CDKAL1: variants seen among roughly 807,000 people sequenced by gnomAD.
CDKAL1 encodes the protein threonylcarbamoyladenosine tRNA methylthiotransferase.
In CDKAL1, 32 loss-of-function variants were observed where a neutral mutation model predicts 68.2. The ratio of observed to expected loss-of-function variants is 0.47; its 90% CI spans 0.35 to 0.63. The LOEUF is 0.63. CDKAL1 is among the 30% of genes least tolerant of loss of function. CDKAL1 has a pLI of 0.00. For missense variants in CDKAL1, 606 were observed against 696.7 expected (o/e 0.87, Z 1.47); for synonymous variants, 234 against 244.3 (o/e 0.96, Z 0.39).
intron 13 of CDKAL1, among the ~76,000 whole-genome samples, chr6:21,139,384 C>A (rs1214336717): frequency 6.6e-6 from 1 of 152,228 alleles, no homozygotes; most frequent in Non-Finnish European, 1.5e-5. Context: ...ATGTTACTTA[C>A]AGCAGAACTA....
chr6:21,194,738 GTA>G (rs1032580919), intron 13 of CDKAL1, among the ~76,000 whole-genome samples: 8 of 152,326 alleles, frequency 5.3e-5, no homozygotes, highest in African/African-American at 1.7e-4. Flanking sequence ...TTTGAGGCTT[GTA>G]TATGTTTCCT....
intron 4 of CDKAL1, among the ~76,000 whole-genome samples, chr6:20,583,387 T>G (rs1050496445): frequency 6.6e-6 from 1 of 152,236 alleles, no homozygotes; most frequent in Non-Finnish European, 1.5e-5. Context: ...TTCTGATTAC[T>G]GCTAAGATTC....
At chr6:21,159,991 A>G (rs1776834571) in intron 13 of CDKAL1, among the ~76,000 whole-genome samples, 1 of 152,192 alleles carries the variant, frequency 6.6e-6, no homozygotes, top group Non-Finnish European at 1.5e-5. Flanking sequence ...GTATTTCCAG[A>G]ACAAGCAATG....
intron 4 of CDKAL1, among the ~76,000 whole-genome samples, chr6:20,557,970 C>T (rs1338769848): frequency 6.6e-6 from 1 of 152,096 alleles, no homozygotes; most frequent in Non-Finnish European, 1.5e-5. Flanking sequence ...AAACAAACAT[C>T]CTTAACTTGC....
At chr6:21,068,885 A>G (rs1160324967) in intron 12 of CDKAL1, among the ~76,000 whole-genome samples, 6 of 152,100 alleles carry the variant, frequency 3.9e-5, no homozygotes, top group Non-Finnish European at 5.9e-5. Context: ...ATTTCTATCG[A>G]TAATGTTTTA....
chr6:20,545,680 C>T (rs9358342), intron 2 of CDKAL1, among the ~76,000 whole-genome samples: 35,155 of 152,036 alleles, frequency 0.23, 5,030 homozygotes, highest in East Asian at 0.53. Context: ...AAGTTATGCG[C>T]CCACCTCCCC....
intron 12 of CDKAL1, among the ~76,000 whole-genome samples, chr6:21,092,894 G>C (rs1372636319): frequency 6.6e-6 from 1 of 150,874 alleles, no homozygotes; most frequent in East Asian, 1.9e-4. Context: ...AATAGAATTG[G>C]AAGGTTAAAG....
intron 6 of CDKAL1, 95 bp downstream of exon 6, chr6:20,739,710 G>T (rs1477832201): frequency 6.1e-6 from 4 of 655,652 alleles, no homozygotes; most frequent in African/African-American, 3.6e-5. Context: ...TTATTTGTAA[G>T]CTATGTTACA....
At chr6:21,021,283 T>C (rs1768648805) in intron 11 of CDKAL1, among the ~76,000 whole-genome samples, 1 of 152,204 alleles carries the variant, frequency 6.6e-6, no homozygotes, top group African/African-American at 2.4e-5. Context: ...AGAATTGAGA[T>C]AATATGTGTT....
At chr6:20,592,675 G>C (rs1745556742) in intron 4 of CDKAL1, among the ~76,000 whole-genome samples, 1 of 152,038 alleles carries the variant, frequency 6.6e-6, no homozygotes, top group Admixed American at 6.5e-5. Flanking sequence ...TCACCATGTT[G>C]GATGGGCTGT....
intron 12 of CDKAL1, among the ~76,000 whole-genome samples, chr6:21,104,769 G>A (rs1470618672): frequency 1.3e-5 from 2 of 152,208 alleles, no homozygotes; most frequent in Non-Finnish European, 2.9e-5. Flanking sequence ...GGGCTAATAT[G>A]AATAGTGTTA....
At chr6:20,754,216 A>G (rs1774068720) in intron 6 of CDKAL1, among the ~76,000 whole-genome samples, 1 of 152,144 alleles carries the variant, frequency 6.6e-6, no homozygotes, top group Non-Finnish European at 1.5e-5. Flanking sequence ...TCCTGGCCTT[A>G]AAGTGATCTT....
chr6:20,775,160 A>G (rs1033038345), intron 7 of CDKAL1, among the ~76,000 whole-genome samples: 2 of 152,124 alleles, frequency 1.3e-5, no homozygotes, highest in Non-Finnish European at 2.9e-5. Context: ...CACTTTACAT[A>G]TTTATCACCA....
intron 4 of CDKAL1, among the ~76,000 whole-genome samples, chr6:20,597,354 T>C (rs1307647884): frequency 1.3e-5 from 2 of 152,156 alleles, no homozygotes; most frequent in African/African-American, 4.8e-5. Context: ...GGTCTTGATC[T>C]CCTGATCTCA....
intron 9 of CDKAL1, among the ~76,000 whole-genome samples, chr6:20,854,801 C>T (rs990921250): frequency 2.0e-5 from 3 of 152,166 alleles, no homozygotes; most frequent in African/African-American, 7.2e-5. Context: ...CTTTTGTGCT[C>T]TATAAAACAG....
intron 9 of CDKAL1, among the ~76,000 whole-genome samples, chr6:20,848,518 G>T (rs966679593): frequency 6.6e-6 from 1 of 152,118 alleles, no homozygotes; most frequent in African/African-American, 2.4e-5. Flanking sequence ...TATCCAGGTG[G>T]GTTGGACTAG....
intron 15 of CDKAL1, among the ~76,000 whole-genome samples, chr6:21,217,166 T>TTA (rs1438626343): frequency 9.9e-5 from 15 of 151,954 alleles, no homozygotes; most frequent in East Asian, 5.8e-4. Flanking sequence ...TTTATTGGTT[T>TTA]TATATATATA....
intron 6 of CDKAL1, among the ~76,000 whole-genome samples, chr6:20,752,964 C>T (rs1044691574): frequency 4.6e-5 from 7 of 152,178 alleles, no homozygotes; most frequent in African/African-American, 1.4e-4. Flanking sequence ...ACATTGGAAC[C>T]TTTGACCACT....
In CDKAL1 at chr6:20,635,146, C is replaced by CTGTTT. The variant is rs1231205344; in HGVS notation, c.287-14143_287-14139dup. On this transcript the variant is annotated intron_variant, in intron 4 of 15. Transcript: ENST00000274695. Reference sequence around the variant, plus strand: ...ATCCAATTCTCTGACCCTCTCAGTCCTGTTTTGTATTGCATTTCATAGGTA... The same window carrying CTGTTT: ...ATCCAATTCTCTGACCCTCTCAGTCCTGTTTTGTTTTGTATTGCATTTCATAGGTA... Among the ~76,000 whole-genome samples the CTGTTT allele has an allele frequency of 2.0e-5, 3 of 152,166 alleles. No individual in the cohort carries two copies. In the East Asian group the frequency reaches 5.8e-4, roughly 29 times the overall value.
Sources: gnomAD v4.1 joint callset for allele counts (sites outside exome capture counted in the v4.1 genomes callset) on GRCh38, gnomAD v4.1.1 for gene constraint, MANE v1.5 for transcripts, NCBI Gene and HGNC (gene_info 2026-07-23, HGNC 2026-07-21) for gene names.